The following CDC42BPA variants were observed in gnomAD, a reference collection of about 807,000 sequenced individuals.
CDC42BPA encodes the protein CDC42 binding protein kinase alpha, also known as serine/threonine-protein kinase MRCK alpha.
In CDC42BPA, 80 loss-of-function variants were observed where a neutral mutation model predicts 223.5. That is an observed-to-expected ratio of 0.36 (90% CI 0.30 to 0.43). The LOEUF is 0.43. Ranked by LOEUF, CDC42BPA falls within the 20% of genes least tolerant of loss-of-function variation. CDC42BPA has a pLI of 1.00. For synonymous variants in CDC42BPA, 694 were observed against 718.6 expected (o/e 0.97, Z 0.55); for missense variants, 1,743 against 2,099.9 (o/e 0.83, Z 3.32).
intron 16 of CDC42BPA, among the ~76,000 whole-genome samples, chr1:227,089,404 G>A (rs937771693): frequency 1.3e-5 from 2 of 152,176 alleles, no homozygotes; most frequent in African/African-American, 4.8e-5. Flanking sequence ...GGGAAAGGTA[G>A]ACTGAGAATT....
intron 35 of CDC42BPA, among the ~76,000 whole-genome samples, chr1:227,003,748 T>C (rs1213571137): frequency 6.6e-6 from 1 of 152,146 alleles, no homozygotes; most frequent in Non-Finnish European, 1.5e-5. Flanking sequence ...GTTTTTTCTC[T>C]CTATGGTCCC....
intron 25 of CDC42BPA, among the ~76,000 whole-genome samples, chr1:227,035,244 A>C (rs1426031350): frequency 6.6e-6 from 1 of 152,218 alleles, no homozygotes; most frequent in Non-Finnish European, 1.5e-5. Flanking sequence ...AGATTTCATC[A>C]CAAGATAGGA....
intron 21 of CDC42BPA, among the ~76,000 whole-genome samples, chr1:227,067,691 T>C (rs1380335580): frequency 6.6e-6 from 1 of 152,154 alleles, no homozygotes; most frequent in Admixed American, 6.6e-5. Flanking sequence ...ATTCCAAGCA[T>C]ATTCAAAATC....
rs1044484737 is a variant in CDC42BPA at position 227,141,577 on chromosome 1, C to A, written c.1223+1368G>T. ...AACTGGAGCTTGTGGAAGTTGTCTG[C>A]GGTTTGCCTCAATCCTTTCAGTGAA... On this transcript the variant is annotated intron_variant, in intron 9 of 36. Coordinates refer to ENST00000366766, the MANE Select transcript of CDC42BPA (RefSeq NM_001394014.1). Among the ~76,000 whole-genome samples, 6 of 152,086 alleles carry A rather than the reference C, an allele frequency of 3.9e-5. 1 individual carries two copies. The highest frequency in any genetic ancestry group is 8.8e-5 in the Non-Finnish European group (6 of 68,034).
intron 21 of CDC42BPA, among the ~76,000 whole-genome samples, chr1:227,056,121 A>G (rs1674499699): frequency 6.6e-6 from 1 of 152,206 alleles, no homozygotes; most frequent in African/African-American, 2.4e-5. Flanking sequence ...AATTATGGAC[A>G]GCATGGTTTT....
At chr1:227,004,912 A>C in intron 35 of CDC42BPA, 82 bp downstream of exon 35, 1 of 923,672 alleles carries the variant, frequency 1.1e-6, no homozygotes. Flanking sequence ...TAAGTGAAGG[A>C]CATGTCACCC....
At chr1:226,997,584 T>C (rs1351203652) in intron 35 of CDC42BPA, among the ~76,000 whole-genome samples, 2 of 152,246 alleles carry the variant, frequency 1.3e-5, no homozygotes, top group African/African-American at 4.8e-5. Context: ...CCTGTGGGCA[T>C]TTAGTGCTAT....
At chr1:227,232,315 C>A (rs1307010024) in intron 2 of CDC42BPA, among the ~76,000 whole-genome samples, 1 of 152,076 alleles carries the variant, frequency 6.6e-6, no homozygotes, top group East Asian at 1.9e-4. Flanking sequence ...TTTCTAGGGG[C>A]TCTATTCTGT....
intron 29 of CDC42BPA, among the ~76,000 whole-genome samples, chr1:227,030,143 A>AT (rs1312144212): frequency 6.6e-6 from 1 of 152,090 alleles, no homozygotes; most frequent in Admixed American, 6.5e-5. Flanking sequence ...CCAAAAAAAA[A>AT]AAAAGAAATG....
Position 227,112,666 on chromosome 1 carries a change from C to CT in CDC42BPA, c.1890+4dup. ...GGGCACTACAAAATTTGCCTGACTACTAACCTCTTTTTTGGCTCTTTCTGT... is the reference window on the plus strand; with the variant it reads ...GGGCACTACAAAATTTGCCTGACTACTTAACCTCTTTTTTGGCTCTTTCTGT... On this transcript the variant is annotated splice_donor_region_variant and intron_variant, in intron 13 of 36. Coordinates refer to ENST00000366766, the MANE Select transcript of CDC42BPA (RefSeq NM_001394014.1). 6.2e-7 allele frequency: 1 copy of CT among 1,613,170 alleles called. No individual in the cohort carries two copies. The highest frequency in any genetic ancestry group is 8.5e-7 in the Non-Finnish European group (1 of 1,179,714).
intron 12 of CDC42BPA, among the ~76,000 whole-genome samples, chr1:227,116,470 T>C (rs987898910): frequency 1.3e-5 from 2 of 152,194 alleles, no homozygotes; most frequent in East Asian, 1.9e-4. Flanking sequence ...CGATGAAATA[T>C]CAGAGGCAGT....
chr1:227,113,491 A>C (rs138289953), intron 12 of CDC42BPA, among the ~76,000 whole-genome samples: 1 of 152,310 alleles, frequency 6.6e-6, no homozygotes, highest in Non-Finnish European at 1.5e-5. Flanking sequence ...TCACAACCAC[A>C]GATTCCAAAA....
chr1:227,250,640 ATGTGTG>A lies in CDC42BPA; in HGVS notation c.270+3418_270+3423del, dbSNP rs59921051. The stretch of plus-strand genomic sequence containing the variant: ...GAAACTGAAGTGTGTGTGTGTGTGT[ATGTGTG>A]TGTGTGTATACCATAATATACTTCA... On this transcript the variant is annotated intron_variant, in intron 2 of 36. Transcript: ENST00000366766. Among the ~76,000 whole-genome samples, 107 of 150,814 alleles carry A rather than the reference ATGTGTG, an allele frequency of 7.1e-4. 6 individuals carry two copies. The highest frequency in any genetic ancestry group is 6.6e-5 in the Admixed American group (1 of 15,072).
intron 25 of CDC42BPA, 110 bp from the exon 26 acceptor site, chr1:227,034,904 A>T: frequency 1.0e-6 from 1 of 956,820 alleles, no homozygotes; most frequent in African/African-American, 1.7e-5. Context: ...TACACGTTTT[A>T]TAAGTCTGCC....
At chr1:227,268,667 C>CGT (rs1558914082) in intron 1 of CDC42BPA, among the ~76,000 whole-genome samples, 2 of 139,030 alleles carry the variant, frequency 1.4e-5, no homozygotes, top group Admixed American at 7.4e-5. Flanking sequence ...TATATATATA[C>CGT]ATATATATAT....
chr1:227,237,074 A>G (rs1679186634), intron 2 of CDC42BPA, among the ~76,000 whole-genome samples: 1 of 149,210 alleles, frequency 6.7e-6, no homozygotes, highest in Non-Finnish European at 1.5e-5. Context: ...AAAGCGTCTC[A>G]TATGTATTCT....
At chr1:227,148,771 G>GAAAAAAAAAAAAAAAA (rs1491285386) in intron 6 of CDC42BPA, among the ~76,000 whole-genome samples, 4 of 7,724 alleles carry the variant, frequency 5.2e-4, no homozygotes, top group African/African-American at 8.6e-4. Context: ...GGTCTCAAAA[G>GAAAAAAAAAAAAAAAA]CAAAAAAAAA....
intron 4 of CDC42BPA, among the ~76,000 whole-genome samples, chr1:227,196,972 A>G (rs1408644988): frequency 6.6e-6 from 1 of 152,166 alleles, no homozygotes; most frequent in East Asian, 1.9e-4. Context: ...AGCTTTTCTT[A>G]AAGAAAAAAA....
chr1:227,298,756 T>A (rs1289766218), intron 1 of CDC42BPA, among the ~76,000 whole-genome samples: 3 of 152,102 alleles, frequency 2.0e-5, no homozygotes, highest in African/African-American at 4.8e-5. Flanking sequence ...TAGGTTTCAG[T>A]GACAAAAACT....
Sources: allele counts gnomAD v4.1 joint callset (sites outside exome capture counted in the v4.1 genomes callset), GRCh38; gene constraint gnomAD v4.1.1; transcripts MANE v1.5; gene names NCBI Gene and HGNC (gene_info 2026-07-23, HGNC 2026-07-21).